The following RAB20 variants were observed in gnomAD, a reference collection of about 807,000 sequenced individuals.
The protein encoded by RAB20 is RAB20, member RAS oncogene family.
In RAB20, 2 loss-of-function variants were observed where a neutral mutation model predicts 3.7. That is an observed-to-expected ratio of 0.54 (90% CI 0.22 to 1.69). The LOEUF (loss-of-function observed/expected upper bound fraction) is 1.69, where lower values mean the gene tolerates loss of function less well. Among genes scored for constraint, RAB20 ranks in the 40% most tolerant of loss-of-function variants. The pLI is 0.19. For synonymous variants in RAB20, 126 were observed against 130.8 expected (o/e 0.96, Z 0.25); for missense variants, 276 against 311.9 (o/e 0.88, Z 0.87).
intron 1 of RAB20, among the ~76,000 whole-genome samples, chr13:110,543,779 T>A (rs202015383): frequency 0.23 from 34,456 of 148,996 alleles, 4,362 homozygotes; most frequent in Middle Eastern, 0.33. Context: ...GGGTTATTTT[T>A]TTTTTTTTTT....
At chr13:110,528,688 T>C (rs184020103) in intron 1 of RAB20, among the ~76,000 whole-genome samples, 15 of 152,328 alleles carry the variant, frequency 9.8e-5, no homozygotes, top group Non-Finnish European at 1.6e-4. Flanking sequence ...GGGAGAACCG[T>C]GTTGATGCCT....
chr13:110,552,692 CAAATAAATAAATAAATAAAT>C (rs199741920), intron 1 of RAB20, among the ~76,000 whole-genome samples: 9 of 144,670 alleles, frequency 6.2e-5, no homozygotes, highest in South Asian at 2.2e-4. Context: ...GACTCCATCT[CAAATAAATAAATAAATAAAT>C]AAATAAATAA....
intron 1 of RAB20, among the ~76,000 whole-genome samples, chr13:110,557,843 A>G (rs1180924054): frequency 6.6e-6 from 1 of 152,260 alleles, no homozygotes. Context: ...GAAGGGAAGG[A>G]AAACAAATGT....
intron 1 of RAB20, among the ~76,000 whole-genome samples, chr13:110,557,766 G>C (rs1362327704): frequency 3.3e-5 from 5 of 152,220 alleles, no homozygotes; most frequent in African/African-American, 1.2e-4. Context: ...AGGTGCTGGG[G>C]ATGCAAACGT....
At chr13:110,549,932 C>T (rs1347579410) in intron 1 of RAB20, among the ~76,000 whole-genome samples, 2 of 152,072 alleles carry the variant, frequency 1.3e-5, no homozygotes, top group African/African-American at 2.4e-5. Flanking sequence ...CCATGTTGGC[C>T]GGGCTGGTCT....
intron 1 of RAB20, among the ~76,000 whole-genome samples, chr13:110,559,144 G>A (rs970736917): frequency 6.6e-6 from 1 of 152,082 alleles, no homozygotes; most frequent in African/African-American, 2.4e-5. Flanking sequence ...GCCAGGCATT[G>A]GGTGTACACT....
intron 1 of RAB20, among the ~76,000 whole-genome samples, chr13:110,551,655 T>C (rs1277023471): frequency 6.6e-6 from 1 of 152,146 alleles, no homozygotes; most frequent in East Asian, 1.9e-4. Context: ...ATGAATCCAT[T>C]ATCCTAAGAA....
chr13:110,531,402 C>T (rs1352516719), intron 1 of RAB20, among the ~76,000 whole-genome samples: 5 of 152,220 alleles, frequency 3.3e-5, no homozygotes, highest in East Asian at 1.9e-4. Context: ...CTGGAAGTGC[C>T]GGCTAATTCG....
rs1158541780 is a variant in RAB20 at position 110,523,120 on chromosome 13, C to G, written c.*545G>C. On this transcript the variant is annotated 3_prime_UTR_variant, in exon 2 of 2. Transcript: ENST00000267328. The stretch of plus-strand genomic sequence containing the variant: ...TACATGTAGCCAACATTGCTGCAAT[C>G]AGTATAAAAACAAAGTTATTCCTGA... The G allele has an allele frequency of 2.5e-6, 1 of 396,732 alleles. No homozygotes were observed. Among genetic ancestry groups the G allele is most frequent in the African/African-American group, 2.1e-5 (1 of 48,568 alleles). The allele number at this position is 396,732 out of a possible 1,614,324, so 24.6% of individuals were successfully genotyped here. A position where few individuals can be genotyped will look rare whatever the true frequency, so the allele number is the denominator to read the frequency against.
Position 110,560,358 on chromosome 13 carries a change from C to T in RAB20, c.172+990G>A, listed in dbSNP as rs1337117400. Among the ~76,000 whole-genome samples the T allele has an allele frequency of 3.9e-5, 6 of 152,158 alleles. 1 individual carries two copies. In the South Asian group the frequency reaches 1.0e-3, roughly 26 times the overall value. On this transcript the variant is annotated intron_variant, in intron 1 of 1. Transcript: ENST00000267328. ...GAACTGGAAGTACCTCTGTGAGCTTCGTTAATTCAGTTTTAAAGAGAGAAT... is the reference window on the plus strand; with the variant it reads ...GAACTGGAAGTACCTCTGTGAGCTTTGTTAATTCAGTTTTAAAGAGAGAAT...
intron 1 of RAB20, among the ~76,000 whole-genome samples, chr13:110,552,923 G>A (rs1270264799): frequency 1.3e-5 from 2 of 152,160 alleles, no homozygotes; most frequent in Admixed American, 6.5e-5. Flanking sequence ...CACTCCAGGA[G>A]GCTGTGGGCC....
At chr13:110,529,794 G>A (rs1884498120) in intron 1 of RAB20, among the ~76,000 whole-genome samples, 1 of 152,146 alleles carries the variant, frequency 6.6e-6, no homozygotes, top group Non-Finnish European at 1.5e-5. Context: ...CTGTCTCCAG[G>A]CCAAGCAGAC....
chr13:110,554,031 C>T (rs1055817173), intron 1 of RAB20, among the ~76,000 whole-genome samples: 14 of 152,146 alleles, frequency 9.2e-5, no homozygotes, highest in African/African-American at 3.1e-4. Context: ...GGGAGGATTG[C>T]TTGAGCCTGG....
intron 1 of RAB20, among the ~76,000 whole-genome samples, chr13:110,526,450 C>A (rs1303349322): frequency 6.8e-6 from 1 of 147,476 alleles, no homozygotes; most frequent in East Asian, 2.0e-4. Context: ...TTAGGCAAAC[C>A]AAAATGCAAC....
chr13:110,533,123 A>C (rs1332484576), intron 1 of RAB20, among the ~76,000 whole-genome samples: 1 of 152,152 alleles, frequency 6.6e-6, no homozygotes, highest in Admixed American at 6.5e-5. Context: ...AAAATAAGCA[A>C]CTCCAGCAAT....
intron 1 of RAB20, among the ~76,000 whole-genome samples, chr13:110,559,649 G>A (rs1885099411): frequency 6.6e-6 from 1 of 152,314 alleles, no homozygotes; most frequent in Admixed American, 6.5e-5. Flanking sequence ...CGAACAAGCA[G>A]CAGCAGCCTC....
At chr13:110,533,990 T>A (rs58927807) in intron 1 of RAB20, among the ~76,000 whole-genome samples, 2 of 152,040 alleles carry the variant, frequency 1.3e-5, no homozygotes, top group African/African-American at 4.8e-5. Flanking sequence ...AGAGAGCCAA[T>A]GGCTTGCCAG....
Position 110,561,511 on chromosome 13 carries a change from C to G in RAB20, c.9G>C (p.Lys3Asn). 1 of 1,571,140 alleles carries G rather than the reference C, an allele frequency of 6.4e-7. No individual in the cohort carries two copies. Among genetic ancestry groups the G allele is most frequent in the Non-Finnish European group, 8.6e-7 (1 of 1,159,194 alleles). The part of the protein sequence containing the change: MR[K>N]PDSKIVLLGD... Reference sequence around the variant, plus strand: ...CCAGGAGCACGATCTTGCTGTCGGGCTTCCTCATCTTCCCGTAAGAACCCC... The same window carrying G: ...CCAGGAGCACGATCTTGCTGTCGGGGTTCCTCATCTTCCCGTAAGAACCCC... Residue 3 changes from lysine to asparagine, a missense_variant, in exon 1 of 2, where the codon AAG (lysine) becomes AAC (asparagine). Coordinates refer to ENST00000267328, the MANE Select transcript of RAB20 (RefSeq NM_017817.3).
chr13:110,552,327 C>T (rs1297810930), intron 1 of RAB20, among the ~76,000 whole-genome samples: 3 of 148,618 alleles, frequency 2.0e-5, no homozygotes, highest in Non-Finnish European at 3.0e-5. Context: ...TGCAGTGAGC[C>T]GAGATCGTGC....
Sources: allele counts gnomAD v4.1 joint callset (sites outside exome capture counted in the v4.1 genomes callset), GRCh38; gene constraint gnomAD v4.1.1; transcripts MANE v1.5; gene names NCBI Gene and HGNC (gene_info 2026-07-23, HGNC 2026-07-21).